Variants in TRPC7 observed in about 807,000 individuals in gnomAD.
TRPC7 encodes the protein short transient receptor potential channel 7.
A neutral mutation model predicts 90.1 loss-of-function variants in TRPC7; 42 were observed. That is an observed-to-expected ratio of 0.47 (90% CI 0.36 to 0.60). TRPC7 has a LOEUF of 0.60. TRPC7 is among the 20% of genes least tolerant of loss of function. The probability of loss-of-function intolerance (pLI) is 0.00; values close to 1 mark genes in which losing one functional copy is unlikely to be tolerated. For missense variants in TRPC7, 955 were observed against 1,112.3 expected, an observed-to-expected ratio of 0.86 and a Z score of 2.01; for synonymous variants, 451 against 436.3, an observed-to-expected ratio of 1.03 and a Z score of -0.42.
At position 136,228,671 on chromosome 5, in the gene TRPC7, T is replaced by G. The variant is rs1755715619; in HGVS notation, c.2041-2416A>C. Among the ~76,000 whole-genome samples the G allele has an allele frequency of 5.9e-5, 9 of 151,882 alleles. 1 individual carries two copies. The Middle Eastern group carries it at 0.017, about 287-fold the overall frequency. ...AATGGAGAGGCAGGTGCAGGTGAGT[T>G]GTGGATTTGGACAGCAGGGGCTTAA... On this transcript the variant is annotated intron_variant, in intron 8 of 11. Coordinates refer to ENST00000513104, the MANE Select transcript of TRPC7 (RefSeq NM_020389.3).
At position 136,223,364 on chromosome 5, in the gene TRPC7, A is replaced by G. The variant is rs191192569; in HGVS notation, c.2343+1910T>C. 1.1e-4 allele frequency among the ~76,000 whole-genome samples: 17 copies of G among 152,314 alleles called. No individual in the cohort carries two copies. In the East Asian group the frequency reaches 3.3e-3, roughly 29 times the overall value. On this transcript the variant is annotated intron_variant, in intron 10 of 11. Transcript: ENST00000513104. ...CGTGGTGGCTCATGCCTGTAATCCC[A>G]GCACTTTGGGAGGCCGAGGCAGGTG... is the stretch of plus-strand genomic sequence containing the variant.
At chr5:136,302,480 G>A (rs1421196008) in intron 3 of TRPC7, among the ~76,000 whole-genome samples, 1 of 152,034 alleles carries the variant, frequency 6.6e-6, no homozygotes. Context: ...CCACTTTTCT[G>A]GAGGGTAAGA....
chr5:136,285,743 G>T (rs535180180), intron 3 of TRPC7, among the ~76,000 whole-genome samples: 4 of 152,196 alleles, frequency 2.6e-5, no homozygotes, highest in African/African-American at 9.6e-5. Context: ...CTGGACAAGA[G>T]GCCAGATGAA....
At chr5:136,289,517 G>A (rs559668638) in intron 3 of TRPC7, among the ~76,000 whole-genome samples, 2 of 152,262 alleles carry the variant, frequency 1.3e-5, no homozygotes, top group Non-Finnish European at 2.9e-5. Context: ...GGCTTGGAGG[G>A]TCCTATGCCC....
intron 1 of TRPC7, among the ~76,000 whole-genome samples, chr5:136,359,293 G>A (rs1271939225): frequency 2.0e-5 from 3 of 152,254 alleles, no homozygotes; most frequent in East Asian, 3.9e-4. Context: ...TTGGGAAAAA[G>A]CTCCTAAATT....
chr5:136,216,474 T>C (rs1755273108), intron 10 of TRPC7, among the ~76,000 whole-genome samples, 199 bp from the exon 11 acceptor site: 2 of 152,170 alleles, frequency 1.3e-5, no homozygotes, highest in South Asian at 4.1e-4. Flanking sequence ...CCCCGCAGGA[T>C]GCAATGTGCA....
chr5:136,301,743 C>T (rs913812000), intron 3 of TRPC7, among the ~76,000 whole-genome samples: 8 of 152,320 alleles, frequency 5.3e-5, no homozygotes, highest in Middle Eastern at 3.4e-3. Flanking sequence ...ACTCTCTTTT[C>T]GGACTCAGCC....
intron 4 of TRPC7, among the ~76,000 whole-genome samples, chr5:136,268,903 A>C (rs1757119194): frequency 6.6e-6 from 1 of 152,198 alleles, no homozygotes; most frequent in South Asian, 2.1e-4. Flanking sequence ...CAGTCATTTC[A>C]ATGGTTTCCT....
At chr5:136,341,245 G>T (rs1021013620) in intron 2 of TRPC7, among the ~76,000 whole-genome samples, 1 of 152,066 alleles carries the variant, frequency 6.6e-6, no homozygotes, top group Non-Finnish European at 1.5e-5. Context: ...ATAGGGAAAT[G>T]ATACATAAAT....
Position 136,274,781 on chromosome 5 carries a change from G to T in TRPC7, c.1020C>A (p.Leu340=). The change falls in exon 4 of 12, where the codon CTC becomes CTA. Residue 340 remains leucine, a synonymous_variant. Transcript: ENST00000513104. ...QQLLTMWYEN[L]SGLRQQSIAV... is the part of the protein sequence containing the mutation. ...CGATAGACTGTTGACGTAAGCCTGA[G>T]AGATTTTCATACCACATGGTAAGCA... 6.2e-7 allele frequency: 1 copy of T among 1,600,178 alleles called. No homozygotes were observed. Among genetic ancestry groups the T allele is most frequent in the Non-Finnish European group, 8.5e-7 (1 of 1,173,200 alleles).
intron 2 of TRPC7, among the ~76,000 whole-genome samples, chr5:136,347,580 G>T (rs1760049908): frequency 6.6e-6 from 1 of 152,134 alleles, no homozygotes; most frequent in African/African-American, 2.4e-5. Flanking sequence ...AAGTCCACTG[G>T]AATCCTTTCC....
intron 6 of TRPC7, among the ~76,000 whole-genome samples, chr5:136,250,299 G>T (rs181048681): frequency 6.6e-6 from 1 of 152,172 alleles, no homozygotes; most frequent in Admixed American, 6.5e-5. Context: ...CAACTTTTGC[G>T]TTAAGCGAAC....
Position 136,365,404 on chromosome 5 carries a change from A to C in TRPC7, c.-150T>G, listed in dbSNP as rs1760692184. The C allele has an allele frequency of 1.3e-6, 1 of 785,398 alleles. No homozygotes were observed. Among genetic ancestry groups the C allele is most frequent in the Non-Finnish European group, 2.1e-6 (1 of 480,634 alleles). 48.7% of individuals were successfully genotyped at this position (785,398 alleles called of 1,614,324 possible). A position where few individuals can be genotyped will look rare whatever the true frequency, so the allele number is the denominator to read the frequency against. ...GAGCTGGTCAAGTGAGTTAAGTTGC[A>C]ACGATGTGAAAGCGCGCTCCTCTGT... On this transcript the variant is annotated 5_prime_UTR_variant, in exon 1 of 12. Coordinates refer to ENST00000513104, the MANE Select transcript of TRPC7 (RefSeq NM_020389.3).
At chr5:136,313,682 G>A (rs1414516071) in intron 3 of TRPC7, among the ~76,000 whole-genome samples, 1 of 152,182 alleles carries the variant, frequency 6.6e-6, no homozygotes, top group Non-Finnish European at 1.5e-5. Context: ...TGTATCCCTT[G>A]AAGGTCTTAG....
At position 136,314,560 on chromosome 5, in the gene TRPC7, T is replaced by G. The variant is rs1758949039; in HGVS notation, c.963+1037A>C. Among the ~76,000 whole-genome samples, 3 of 152,204 alleles carry G rather than the reference T, an allele frequency of 2.0e-5. No individual in the cohort carries two copies. The South Asian group carries it at 6.2e-4, about 32-fold the overall frequency. On this transcript the variant is annotated intron_variant, in intron 3 of 11. Transcript: ENST00000513104. ...AAGTTGTTTTTCTTAAAATTTGTGA[T>G]TATTATAATATCAAAGTAAAAGGGC...
In TRPC7 at chr5:136,301,424, C is replaced by T. The variant is rs532477877; in HGVS notation, c.963+14173G>A. 3.0e-3 allele frequency among the ~76,000 whole-genome samples: 423 copies of T among 141,250 alleles called. 1 individual carries two copies. The highest frequency in any genetic ancestry group is 0.011 in the African/African-American group (403 of 37,188). 92.7% of individuals were successfully genotyped at this position (141,250 alleles called of 152,430 possible). ...GCCATCACATCCCCTGTGACTTGTA[C>T]GTATACATCCAGATAGCCTGAAGTA... On this transcript the variant is annotated intron_variant, in intron 3 of 11. Transcript: ENST00000513104.
rs1467065829 is a variant in TRPC7, at chr5:136,274,807, A to G, written c.994T>C (p.Leu332=). Residue 332 remains leucine (L), a synonymous_variant, in exon 4 of 12, where the codon TTG becomes CTG. Coordinates refer to ENST00000513104, the MANE Select transcript of TRPC7 (RefSeq NM_020389.3). ...FVAHPNCQQQ[L]LTMWYENLSG... ...AGATTTTCATACCACATGGTAAGCA[A>G]TTGCTGCTGACAGTTAGGATGAGCA... 1.9e-6 allele frequency: 3 copies of G among 1,581,378 alleles called. No individual in the cohort carries two copies. The highest frequency in any genetic ancestry group is 1.7e-4 in the Middle Eastern group (1 of 6,020).
chr5:136,315,388 CT>C (rs916749523), intron 3 of TRPC7, among the ~76,000 whole-genome samples: 1 of 152,126 alleles, frequency 6.6e-6, no homozygotes, highest in Non-Finnish European at 1.5e-5. Flanking sequence ...GCTCTCTCTC[CT>C]GGTGGGCTGG....
At chr5:136,334,736 C>T (rs1286898879) in intron 2 of TRPC7, among the ~76,000 whole-genome samples, 1 of 152,192 alleles carries the variant, frequency 6.6e-6, no homozygotes, top group Non-Finnish European at 1.5e-5. Flanking sequence ...CACTACAAGA[C>T]TTAATAAATG....
Sources: allele counts gnomAD v4.1 joint callset (sites outside exome capture counted in the v4.1 genomes callset), GRCh38; gene constraint gnomAD v4.1.1; transcripts MANE v1.5; gene names NCBI Gene and HGNC (gene_info 2026-07-23, HGNC 2026-07-21).